NLRP1: variants seen among roughly 807,000 people sequenced by gnomAD.
NLRP1 encodes NACHT, LRR and PYD domains-containing protein 1.
NLRP1 carries 94 observed loss-of-function variants against 136.7 expected under a neutral mutation model. The observed-to-expected ratio is 0.69, with a 90% confidence interval of 0.58 to 0.82. The LOEUF (loss-of-function observed/expected upper bound fraction) is 0.82, where lower values mean the gene tolerates loss of function less well. Among genes scored for constraint, NLRP1 ranks in the 40% least tolerant of loss-of-function variants. The pLI is 0.00. For synonymous variants in NLRP1, 690 were observed against 725.1 expected (o/e 0.95, Z 0.78); for missense variants, 1,575 against 1,802.7 (o/e 0.87, Z 2.29).
rs139463149 is a variant in NLRP1 at position 5,582,682 on chromosome 17, G to T, written c.436C>A (p.Arg146Ser). 1 of 1,613,948 alleles carries T rather than the reference G, an allele frequency of 6.2e-7. No homozygotes were observed. The highest frequency in any genetic ancestry group is 1.3e-5 in the African/African-American group (1 of 74,904). The change falls in exon 2 of 17, where the codon CGC becomes AGC. Residue 146 changes from arginine to serine, a missense_variant. Physicochemically the swap from Arg to Ser is moderately radical, Grantham distance 110. Transcript: ENST00000572272. ...VLRQLPDTSGRRWREISASLL... is the reference protein window; with the variant it reads ...VLRQLPDTSGSRWREISASLL... The stretch of plus-strand genomic sequence containing the variant: ...CAGCAAGCCTCACCTCTCCAGCGGC[G>T]TCCAGATGTGTCAGGCAGCTGTCTC...
At chr17:5,503,205 G>A (rs1230118513) in intron 15 of NLRP1, 1 of 152,340 alleles carries the variant, frequency 6.6e-6, no homozygotes, top group Non-Finnish European at 1.5e-5. Flanking sequence ...TGCAATGAGA[G>A]GGTTTTCAAG....
chr17:5,513,309 C>T (rs1177375181), downstream of NLRP1, among the ~76,000 whole-genome samples: 3 of 152,112 alleles, frequency 2.0e-5, no homozygotes, highest in African/African-American at 7.2e-5. Flanking sequence ...CCGGGCTAGT[C>T]TCAAAAGCCT....
At chr17:5,561,824 G>T (rs983723011) in intron 3 of NLRP1, among the ~76,000 whole-genome samples, 3 of 152,194 alleles carry the variant, frequency 2.0e-5, no homozygotes, top group African/African-American at 7.2e-5. Flanking sequence ...AGCAGAGGGG[G>T]TGACTCTGCC....
chr17:5,554,092 C>A (rs1329330668), intron 4 of NLRP1, among the ~76,000 whole-genome samples: 1 of 150,272 alleles, frequency 6.7e-6, no homozygotes, highest in Non-Finnish European at 1.5e-5. Flanking sequence ...GAGAGATGGC[C>A]TGAGGATGTT....
At position 5,519,204 on chromosome 17, in the gene NLRP1, G is replaced by A. The variant is rs1204963114; in HGVS notation, c.3916-1317C>T. Among the ~76,000 whole-genome samples, 4 of 151,770 alleles carry A rather than the reference G, an allele frequency of 2.6e-5. No individual in the cohort carries two copies. In the East Asian group the frequency reaches 5.9e-4, roughly 22 times the overall value. ...TTTTTGGTAGAGATGGGGTTTCACT[G>A]TGTTAGCCAGGATGGTCTCGATCTC... is the stretch of plus-strand genomic sequence containing the variant. On this transcript the variant is annotated intron_variant, in intron 14 of 16. Coordinates refer to ENST00000572272, the MANE Select transcript of NLRP1 (RefSeq NM_033004.4).
At chr17:5,554,501 C>T (rs1217891182) in intron 4 of NLRP1, among the ~76,000 whole-genome samples, 2 of 152,150 alleles carry the variant, frequency 1.3e-5, no homozygotes, top group African/African-American at 4.8e-5. Context: ...ATCTTTTCCC[C>T]TAAGTCTGCA....
intron 3 of NLRP1, among the ~76,000 whole-genome samples, chr17:5,561,210 T>C (rs1411250728): frequency 2.0e-5 from 3 of 151,906 alleles, no homozygotes; most frequent in Non-Finnish European, 4.4e-5. Context: ...GTACCCGCCA[T>C]CACGCCAGCT....
chr17:5,530,192 C>A (rs150766308), intron 12 of NLRP1: 102 of 499,300 alleles, frequency 2.0e-4, no homozygotes, highest in African/African-American at 1.8e-3. Flanking sequence ...CTGAGCATAT[C>A]ATCTCTTTCC....
At chr17:5,519,391 C>T (rs1908594767) in intron 14 of NLRP1, among the ~76,000 whole-genome samples, 1 of 151,382 alleles carries the variant, frequency 6.6e-6, no homozygotes, top group African/African-American at 2.4e-5. Context: ...GGTGATCTGC[C>T]TGCCTTGAAC....
intron 3 of NLRP1, among the ~76,000 whole-genome samples, chr17:5,561,344 T>C (rs35865671): frequency 0.066 from 9,984 of 150,640 alleles, 425 homozygotes; most frequent in African/African-American, 0.12. Context: ...CATGGGCCAC[T>C]GCACCCAGCC....
intron 3 of NLRP1, among the ~76,000 whole-genome samples, chr17:5,579,348 T>C (rs1269060809): frequency 6.8e-6 from 1 of 147,610 alleles, no homozygotes; most frequent in Non-Finnish European, 1.5e-5. Flanking sequence ...AAAGAGACCT[T>C]CTCTGGAAAA....
intron 12 of NLRP1, chr17:5,529,774 C>G: frequency 5.6e-6 from 1 of 180,056 alleles, no homozygotes; most frequent in Non-Finnish European, 1.2e-5. Context: ...TTTTTTTGGT[C>G]ATATTATACA....
rs957102429 is a variant in NLRP1 at position 5,517,354 on chromosome 17, C to T, written c.4057+392G>A. 3.7e-5 allele frequency among the ~76,000 whole-genome samples: 3 copies of T among 80,838 alleles called. 1 individual carries two copies. The highest frequency in any genetic ancestry group is 1.5e-4 in the African/African-American group (3 of 20,614). The allele number at this position is 80,838 out of a possible 152,430, so 53.0% of individuals were successfully genotyped here. On this transcript the variant is annotated intron_variant, in intron 15 of 16. Coordinates refer to ENST00000572272, the MANE Select transcript of NLRP1 (RefSeq NM_033004.4). Reference sequence around the variant, plus strand: ...AACTGTGATAGTGCACTCTGCACCCCCCCCCCTCCCACATACACAGACTTT... The same window carrying T: ...AACTGTGATAGTGCACTCTGCACCCTCCCCCCTCCCACATACACAGACTTT...
At chr17:5,580,161 G>A (rs1482840024) in intron 3 of NLRP1, among the ~76,000 whole-genome samples, 33 of 152,120 alleles carry the variant, frequency 2.2e-4, no homozygotes, top group Admixed American at 2.2e-3. Flanking sequence ...CGTGAACCCG[G>A]GAGGCAGAGC....
chr17:5,525,306 A>G (rs1038089062), intron 12 of NLRP1, among the ~76,000 whole-genome samples: 4 of 152,258 alleles, frequency 2.6e-5, no homozygotes, highest in Admixed American at 6.5e-5. Flanking sequence ...TTGTGGCCCA[A>G]TGGGGAATAC....
intron 12 of NLRP1, among the ~76,000 whole-genome samples, chr17:5,524,220 C>A (rs574297551): frequency 6.6e-6 from 1 of 152,338 alleles, no homozygotes; most frequent in East Asian, 1.9e-4. Flanking sequence ...GGGACGCCTG[C>A]ATTACAGTCT....
At chr17:5,554,842 T>A (rs1370816812) in intron 4 of NLRP1, among the ~76,000 whole-genome samples, 3 of 151,988 alleles carry the variant, frequency 2.0e-5, no homozygotes, top group Non-Finnish European at 4.4e-5. Flanking sequence ...GGCAACATAG[T>A]AAGATCCTGT....
rs934802760 is a variant in NLRP1 at position 5,553,398 on chromosome 17, A to G, written c.2516T>C (p.Leu839Pro). 1.9e-6 allele frequency: 3 copies of G among 1,613,212 alleles called. No homozygotes were observed. The highest frequency in any genetic ancestry group is 2.5e-6 in the Non-Finnish European group (3 of 1,179,558). The part of the protein sequence containing the change: ...CKTLRRPRCL[L>P]ETLRLAGCGL... The stretch of plus-strand genomic sequence containing the variant: ...AGGCCAGACTCACCGCAGGGTCTCC[A>G]GGAGGCAGCGAGGGCGTCTCAGGGT... The change falls in exon 5 of 17, where the codon CTG (leucine) becomes CCG (proline). Residue 839 changes from leucine to proline, a missense_variant. Transcript: ENST00000572272.
At chr17:5,553,675 T>G in intron 4 of NLRP1, 119 bp from the exon 5 acceptor site, 3 of 863,836 alleles carry the variant, frequency 3.5e-6, no homozygotes, top group Non-Finnish European at 5.4e-6. Context: ...CAGCGGGTAG[T>G]GCCATCTCCA....
Sources: allele counts gnomAD v4.1 joint callset (sites outside exome capture counted in the v4.1 genomes callset), GRCh38; gene constraint gnomAD v4.1.1; transcripts MANE v1.5; gene names NCBI Gene and HGNC (gene_info 2026-07-23, HGNC 2026-07-21).